EYS: variants seen among roughly 807,000 people sequenced by gnomAD.
EYS encodes protein eyes shut homolog.
A neutral mutation model predicts 282.1 loss-of-function variants in EYS; 250 were observed. The ratio of observed to expected loss-of-function variants is 0.89; its 90% CI spans 0.80 to 0.98. EYS has a LOEUF of 0.98. Ranked by LOEUF, EYS falls within the 50% of genes least tolerant of loss-of-function variation. The probability of loss-of-function intolerance (pLI) is 0.00; values close to 1 mark genes in which losing one functional copy is unlikely to be tolerated. For missense variants in EYS, 4,016 were observed against 3,709.0 expected, an observed-to-expected ratio of 1.08 and a Z score of -2.15; for synonymous variants, 1,355 against 1,282.9, an observed-to-expected ratio of 1.06 and a Z score of -1.20.
At chr6:65,259,295 C>G (rs1296700902) in intron 12 of EYS, among the ~76,000 whole-genome samples, 1 of 151,972 alleles carries the variant, frequency 6.6e-6, no homozygotes, top group Non-Finnish European at 1.5e-5. Context: ...TTGCAATAAA[C>G]TGAAACAGCT....
intron 12 of EYS, among the ~76,000 whole-genome samples, chr6:65,202,516 C>G (rs908534705): frequency 3.3e-5 from 5 of 152,060 alleles, no homozygotes; most frequent in African/African-American, 1.2e-4. Flanking sequence ...TGGCCTGGTT[C>G]CAGTTCCCCA....
intron 28 of EYS, among the ~76,000 whole-genome samples, chr6:64,411,928 T>C (rs1773908389): frequency 6.6e-6 from 1 of 151,600 alleles, no homozygotes; most frequent in East Asian, 1.9e-4. Flanking sequence ...CATGCATGTA[T>C]GTATATATGT....
chr6:65,340,002 A>G (rs1342328188), intron 10 of EYS, among the ~76,000 whole-genome samples: 1 of 151,238 alleles, frequency 6.6e-6, no homozygotes, highest in Non-Finnish European at 1.5e-5. Context: ...AGTCAAGGTG[A>G]GGGAAAGAGG....
At chr6:64,612,001 TA>T (rs1767128223) in intron 24 of EYS, among the ~76,000 whole-genome samples, 2 of 152,108 alleles carry the variant, frequency 1.3e-5, no homozygotes, top group Non-Finnish European at 2.9e-5. Context: ...TATTTATTAA[TA>T]ATATTGATGA....
At chr6:65,562,927 C>T (rs1306278138) in intron 2 of EYS, among the ~76,000 whole-genome samples, 2 of 152,106 alleles carry the variant, frequency 1.3e-5, no homozygotes, top group East Asian at 1.9e-4. Flanking sequence ...TGATACTGAT[C>T]ATTGATGCTT....
At chr6:64,271,667 T>G (rs983995837) in intron 30 of EYS, among the ~76,000 whole-genome samples, 1 of 151,438 alleles carries the variant, frequency 6.6e-6, no homozygotes, top group Non-Finnish European at 1.5e-5. Flanking sequence ...CTTAATTCAA[T>G]TGAAATTGAT....
intron 12 of EYS, among the ~76,000 whole-genome samples, chr6:65,287,766 T>C (rs942595636): frequency 2.0e-5 from 3 of 151,306 alleles, no homozygotes; most frequent in African/African-American, 7.3e-5. Context: ...TTTTTGTTTT[T>C]TTGCCTTTTT....
At chr6:65,693,563 A>G (rs1459173629) in intron 1 of EYS, among the ~76,000 whole-genome samples, 1 of 149,712 alleles carries the variant, frequency 6.7e-6, no homozygotes, top group Admixed American at 6.8e-5. Context: ...AAAAAAACCT[A>G]TTTTACAATA....
At chr6:64,829,786 G>A (rs570863735) in intron 19 of EYS, among the ~76,000 whole-genome samples, 7 of 151,896 alleles carry the variant, frequency 4.6e-5, no homozygotes, top group East Asian at 1.9e-4. Flanking sequence ...GGAACCAGGG[G>A]GTAAAAGTGA....
Position 63,778,116 on chromosome 6 carries a change from A to C in EYS, c.7788T>G (p.Pro2596=). Residue 2596 remains proline, a synonymous_variant, in exon 40 of 43, where the codon CCT becomes CCG. Transcript: ENST00000503581. The part of the protein sequence containing the change: ...KDGHFRGLGN[P]EGHPNAGRSV... The stretch of plus-strand genomic sequence containing the variant: ...TGCGTCCAGCATTTGGGTGGCCCTC[A>C]GGATTTCCCAGTCCTCTGAAATGGC... The C allele has an allele frequency of 1.3e-6, 2 of 1,551,826 alleles. No individual in the cohort carries two copies. The highest frequency in any genetic ancestry group is 1.7e-6 in the Non-Finnish European group (2 of 1,146,972).
chr6:64,204,635 A>G (rs1765563619), intron 31 of EYS, among the ~76,000 whole-genome samples: 1 of 152,192 alleles, frequency 6.6e-6, no homozygotes, highest in Non-Finnish European at 1.5e-5. Flanking sequence ...ATGAAGTTCA[A>G]GAACAAGTTA....
At chr6:65,013,128 C>G (rs1178120545) in intron 13 of EYS, among the ~76,000 whole-genome samples, 1 of 152,122 alleles carries the variant, frequency 6.6e-6, no homozygotes, top group African/African-American at 2.4e-5. Flanking sequence ...CCCTTTCTTT[C>G]TAATTACCTA....
chr6:65,666,611 C>T (rs1768211508), intron 1 of EYS, among the ~76,000 whole-genome samples: 1 of 151,678 alleles, frequency 6.6e-6, no homozygotes, highest in Admixed American at 6.6e-5. Context: ...ATAGTACACA[C>T]TTCATTGTGT....
chr6:64,868,081 G>A (rs1766480364), intron 19 of EYS, among the ~76,000 whole-genome samples: 1 of 151,218 alleles, frequency 6.6e-6, no homozygotes, highest in African/African-American at 2.4e-5. Context: ...TCAAAATCTT[G>A]AAAACATTGT....
chr6:65,518,688 C>T (rs1049049447), intron 2 of EYS, among the ~76,000 whole-genome samples: 34 of 152,042 alleles, frequency 2.2e-4, no homozygotes, highest in African/African-American at 7.5e-4. Context: ...TAGGTTCTCA[C>T]ACTGCTAATA....
intron 22 of EYS, among the ~76,000 whole-genome samples, chr6:64,799,901 A>C (rs1774485116): frequency 6.6e-6 from 1 of 151,884 alleles, no homozygotes; most frequent in Admixed American, 6.6e-5. Context: ...AAATACTAAT[A>C]ACATTCTCTG....
In EYS at chr6:65,597,318, C is replaced by T. The variant is rs149564471; in HGVS notation, c.-333+42460G>A. 2.5e-4 allele frequency among the ~76,000 whole-genome samples: 38 copies of T among 152,048 alleles called. No individual in the cohort carries two copies. In the East Asian group the frequency reaches 5.9e-3, roughly 23 times the overall value. The stretch of plus-strand genomic sequence containing the variant: ...TTTGTGAAGGCTAAACAATTAGCCT[C>T]GCCCAGAGTAATGTTCCATGGAACA... On this transcript the variant is annotated intron_variant, in intron 2 of 42. Coordinates refer to ENST00000503581, the MANE Select transcript of EYS (RefSeq NM_001142800.2).
intron 2 of EYS, among the ~76,000 whole-genome samples, chr6:65,564,927 A>ACAAG (rs1769215923): frequency 1.4e-5 from 2 of 144,644 alleles, no homozygotes; most frequent in South Asian, 2.3e-4. Context: ...AAACAAATTT[A>ACAAG]AAAGAAACAA....
chr6:64,457,813 T>C (rs914725742), intron 26 of EYS, among the ~76,000 whole-genome samples: 4 of 151,932 alleles, frequency 2.6e-5, no homozygotes, highest in African/African-American at 9.7e-5. Context: ...TTTGTCATGC[T>C]ATGTTTTTGA....
Sources: gnomAD v4.1 joint callset for allele counts (sites outside exome capture counted in the v4.1 genomes callset) on GRCh38, gnomAD v4.1.1 for gene constraint, MANE v1.5 for transcripts, NCBI Gene and HGNC (gene_info 2026-07-23, HGNC 2026-07-21) for gene names.